Variants in UBR3 observed in about 807,000 individuals in gnomAD.
UBR3 encodes the protein ubiquitin protein ligase E3 component n-recognin 3, also known as E3 ubiquitin-protein ligase UBR3.
UBR3 carries 85 observed loss-of-function variants against 243.2 expected under a neutral mutation model. The observed-to-expected ratio is 0.35, with a 90% CI of 0.29 to 0.42. The LOEUF (loss-of-function observed/expected upper bound fraction) is 0.42. Ranked by LOEUF, UBR3 falls within the 10% of genes least tolerant of loss-of-function variation. The pLI, the probability that UBR3 is intolerant of heterozygous loss-of-function variation, is 1.00. For synonymous variants in UBR3, 748 were observed against 799.8 expected, an observed-to-expected ratio of 0.94 and a Z score of 1.09; for missense variants, 1,686 against 2,300.8, an observed-to-expected ratio of 0.73 and a Z score of 5.47.
At chr2:170,023,948 C>T (rs2090459480) in intron 30 of UBR3, among the ~76,000 whole-genome samples, 1 of 152,068 alleles carries the variant, frequency 6.6e-6, no homozygotes, top group African/African-American at 2.4e-5. Context: ...ATGATCCACC[C>T]ACCTTGGCCT....
intron 8 of UBR3, among the ~76,000 whole-genome samples, chr2:169,897,303 A>G (rs2084628075): frequency 6.6e-6 from 1 of 151,992 alleles, no homozygotes; most frequent in Non-Finnish European, 1.5e-5. Flanking sequence ...TCCCTTAGTG[A>G]GAACTTTATA....
At chr2:170,062,029 T>G (rs969156600) in intron 35 of UBR3, among the ~76,000 whole-genome samples, 2 of 152,226 alleles carry the variant, frequency 1.3e-5, no homozygotes, top group African/African-American at 4.8e-5. Context: ...TCAGTCTTAT[T>G]GACATTTGTG....
intron 28 of UBR3, among the ~76,000 whole-genome samples, chr2:170,008,093 G>A (rs1463037706): frequency 6.6e-6 from 1 of 152,174 alleles, no homozygotes. Flanking sequence ...TTCATCACAA[G>A]TCAGACTACT....
At chr2:170,063,211 G>A (rs2091488033) in intron 35 of UBR3, among the ~76,000 whole-genome samples, 1 of 152,146 alleles carries the variant, frequency 6.6e-6, no homozygotes, top group Non-Finnish European at 1.5e-5. Flanking sequence ...TGAGAGTCAA[G>A]AGAAAAGGAA....
At chr2:170,007,729 TG>T (rs1251935380) in intron 28 of UBR3, among the ~76,000 whole-genome samples, 1 of 152,046 alleles carries the variant, frequency 6.6e-6, no homozygotes, top group Admixed American at 6.5e-5. Context: ...CCGGGCACAG[TG>T]GCACACACAT....
chr2:169,923,817 A>G (rs2085799013), intron 11 of UBR3, 112 bp from the exon 12 acceptor site: 4 of 942,568 alleles, frequency 4.2e-6, no homozygotes, highest in Admixed American at 3.4e-5. Flanking sequence ...TAAGTTTTGA[A>G]CTAAAAGTAT....
chr2:169,878,060 T>G (rs999316136), intron 4 of UBR3, among the ~76,000 whole-genome samples: 2 of 152,156 alleles, frequency 1.3e-5, no homozygotes, highest in East Asian at 1.9e-4. Context: ...TCCAAACTTA[T>G]TTGAGATAAA....
chr2:170,004,867 T>C (rs4668191), intron 27 of UBR3, among the ~76,000 whole-genome samples: 148,515 of 152,034 alleles, frequency 0.98, 72,623 homozygotes, highest in Non-Finnish European at 1. Context: ...ACTGAGATTG[T>C]GCTATTGCAC....
At chr2:169,976,022 A>T (rs535093349) in intron 24 of UBR3, among the ~76,000 whole-genome samples, 5 of 148,364 alleles carry the variant, frequency 3.4e-5, no homozygotes, top group South Asian at 4.3e-4. Flanking sequence ...TTTGCTTGAA[A>T]TTTTTTTTTT....
At chr2:169,910,693 C>G (rs1267103332) in intron 10 of UBR3, among the ~76,000 whole-genome samples, 1 of 152,084 alleles carries the variant, frequency 6.6e-6, no homozygotes, top group Non-Finnish European at 1.5e-5. Context: ...AGACATTGTT[C>G]TAGGCACTTT....
chr2:169,896,183 G>C (rs1465019467), intron 7 of UBR3, among the ~76,000 whole-genome samples: 1 of 152,160 alleles, frequency 6.6e-6, no homozygotes, highest in Non-Finnish European at 1.5e-5. Flanking sequence ...AGCTACTTGG[G>C]AGGCTGAGGC....
chr2:169,827,510 GGCGGCGGCGGCC>G lies in UBR3; in HGVS notation c.12_23del (p.Ala5_Ala8del). 8.1e-7 allele frequency: 1 copy of G among 1,229,190 alleles called. No individual in the cohort carries two copies. The highest frequency in any genetic ancestry group is 1.0e-6 in the Non-Finnish European group (1 of 987,028). 76.1% of individuals were successfully genotyped at this position (1,229,190 alleles called of 1,614,324 possible). On this transcript the variant is annotated inframe_deletion, in exon 1 of 39. Transcript: ENST00000272793. ...TCTCCAAATTCTGAGCTCTCATCAT[GGCGGCGGCGGCC>G]GCGGCGGCCGTCGGGGGCCAGCAGC...
chr2:169,999,916 C>T (rs559068475), intron 26 of UBR3, among the ~76,000 whole-genome samples: 94 of 152,022 alleles, frequency 6.2e-4, no homozygotes, highest in Non-Finnish European at 1.1e-3. Context: ...TCCCTGAGGT[C>T]GGGAGTTCGA....
At chr2:169,875,461 T>C (rs2083572835) in intron 2 of UBR3, among the ~76,000 whole-genome samples, 1 of 152,184 alleles carries the variant, frequency 6.6e-6, no homozygotes. Context: ...CCTGAGTAGC[T>C]GGGACTACAG....
chr2:169,972,714 AC>A (rs1354898289), intron 24 of UBR3, among the ~76,000 whole-genome samples: 2 of 151,802 alleles, frequency 1.3e-5, no homozygotes, highest in Non-Finnish European at 2.9e-5. Context: ...AAATTCAACA[AC>A]CCTTCATGCT....
intron 23 of UBR3, among the ~76,000 whole-genome samples, chr2:169,957,463 C>G (rs2087356655): frequency 6.7e-6 from 1 of 149,462 alleles, no homozygotes; most frequent in African/African-American, 2.5e-5. Flanking sequence ...GTCACAAAGA[C>G]AAAAAACCAA....
intron 3 of UBR3, among the ~76,000 whole-genome samples, chr2:169,876,201 C>T (rs1364361637): frequency 6.6e-6 from 1 of 151,514 alleles, no homozygotes; most frequent in African/African-American, 2.4e-5. Flanking sequence ...CTGCCTCAGC[C>T]TCCCGAGTAG....
chr2:170,069,437 A>T (rs1000294918), intron 35 of UBR3, among the ~76,000 whole-genome samples: 3 of 152,140 alleles, frequency 2.0e-5, no homozygotes, highest in Non-Finnish European at 2.9e-5. Context: ...TCACATAGTT[A>T]TCTGTTTTCT....
chr2:170,070,533 G>A (rs986503192), intron 35 of UBR3, among the ~76,000 whole-genome samples: 3 of 152,092 alleles, frequency 2.0e-5, no homozygotes, highest in Non-Finnish European at 4.4e-5. Flanking sequence ...TGGAAAGGAA[G>A]AGGTAAAACA....
Sources: allele counts gnomAD v4.1 joint callset (sites outside exome capture counted in the v4.1 genomes callset), GRCh38; gene constraint gnomAD v4.1.1; transcripts MANE v1.5; gene names NCBI Gene and HGNC (gene_info 2026-07-23, HGNC 2026-07-21).